The following MAML3 variants were observed in gnomAD, a reference collection of about 807,000 sequenced individuals.
The protein encoded by MAML3 is mastermind like transcriptional coactivator 3.
Under a neutral mutation model 101.9 loss-of-function variants are expected in MAML3, and 27 were observed. The ratio of observed to expected loss-of-function variants is 0.27; its 90% CI spans 0.20 to 0.37. MAML3 has a LOEUF of 0.37. MAML3 is among the 10% of genes least tolerant of loss of function. The pLI is 1.00. For synonymous variants in MAML3, 501 were observed against 555.9 expected (o/e 0.90, Z 1.39); for missense variants, 1,316 against 1,444.9 (o/e 0.91, Z 1.45).
chr4:139,786,932 G>A (rs1308350848), intron 2 of MAML3, among the ~76,000 whole-genome samples: 1 of 152,216 alleles, frequency 6.6e-6, no homozygotes, highest in Non-Finnish European at 1.5e-5. Context: ...GACATCCCTT[G>A]TCAGAGCCTA....
intron 1 of MAML3, among the ~76,000 whole-genome samples, chr4:140,053,232 C>T (rs1727297489): frequency 6.6e-6 from 1 of 152,072 alleles, no homozygotes. Flanking sequence ...ACAGCCCCTT[C>T]CAATATTCTT....
At chr4:140,037,916 G>A (rs541514737) in intron 1 of MAML3, among the ~76,000 whole-genome samples, 4 of 152,312 alleles carry the variant, frequency 2.6e-5, no homozygotes, top group African/African-American at 4.8e-5. Context: ...TGGTTTGGCT[G>A]TCCATTCCAC....
At chr4:140,024,651 C>T (rs1560869822) in intron 1 of MAML3, among the ~76,000 whole-genome samples, 1 of 152,060 alleles carries the variant, frequency 6.6e-6, no homozygotes, top group Non-Finnish European at 1.5e-5. Flanking sequence ...ACAATAGAAC[C>T]ACCACCAAAA....
At chr4:140,020,617 T>C (rs866677008) in intron 1 of MAML3, among the ~76,000 whole-genome samples, 1 of 152,220 alleles carries the variant, frequency 6.6e-6, no homozygotes, top group African/African-American at 2.4e-5. Flanking sequence ...TTTGGTTTCT[T>C]GTGTGGAACA....
chr4:140,130,922 A>G lies in MAML3; in HGVS notation c.468+21938T>C, dbSNP rs529676198. Among the ~76,000 whole-genome samples, 5 of 152,242 alleles carry G rather than the reference A, an allele frequency of 3.3e-5. No individual in the cohort carries two copies. In the South Asian group the frequency reaches 6.2e-4, roughly 19 times the overall value. On this transcript the variant is annotated intron_variant, in intron 1 of 4. Transcript: ENST00000509479. ...ACACAGGACAACTGCCACGTCATGTATAAGGTGCTAGGAGAGCATGAGGAA... is the reference window on the plus strand; with the variant it reads ...ACACAGGACAACTGCCACGTCATGTGTAAGGTGCTAGGAGAGCATGAGGAA...
intron 1 of MAML3, among the ~76,000 whole-genome samples, chr4:139,976,102 T>G (rs925845424): frequency 3.3e-5 from 5 of 152,182 alleles, no homozygotes; most frequent in Non-Finnish European, 2.9e-5. Context: ...AAGAAGGAAG[T>G]GGGAAATGTG....
At chr4:139,782,951 C>A (rs1658403987) in intron 2 of MAML3, among the ~76,000 whole-genome samples, 1 of 152,132 alleles carries the variant, frequency 6.6e-6, no homozygotes, top group Non-Finnish European at 1.5e-5. Context: ...TTCCTATGCT[C>A]CAAATTTGGC....
In MAML3 at chr4:139,978,611, C is replaced by CA. The variant is rs71584346; in HGVS notation, c.469-87645dup. ...CATGACTTCCCAGCATCAACCACATCAAAAAAAAAGAGAGAGAGAGAGAGC... is the reference window on the plus strand; with the variant it reads ...CATGACTTCCCAGCATCAACCACATCAAAAAAAAAAGAGAGAGAGAGAGAGC... On this transcript the variant is annotated intron_variant, in intron 1 of 4. Coordinates refer to ENST00000509479, the MANE Select transcript of MAML3 (RefSeq NM_018717.5). Among the ~76,000 whole-genome samples, 24 of 122,260 alleles carry CA rather than the reference C, an allele frequency of 2.0e-4. 1 individual carries two copies. Among genetic ancestry groups the CA allele is most frequent in the African/African-American group, 4.9e-4 (17 of 35,014 alleles). 80.2% of individuals were successfully genotyped at this position (122,260 alleles called of 152,430 possible).
intron 1 of MAML3, chr4:140,132,944 G>A: frequency 3.6e-6 from 1 of 276,632 alleles, no homozygotes; most frequent in South Asian, 3.6e-5. Flanking sequence ...GAACAAATTG[G>A]TCAGTCCACT....
intron 1 of MAML3, among the ~76,000 whole-genome samples, chr4:140,060,375 A>AAAAAAAAAAAAAAAAC: frequency 1.4e-5 from 2 of 146,314 alleles, no homozygotes; most frequent in Non-Finnish European, 3.0e-5. Context: ...CAAAAAAAAA[A>AAAAAAAAAAAAAAAAC]AAAAAAAAAA....
chr4:139,952,290 G>A (rs1560847128), intron 1 of MAML3, among the ~76,000 whole-genome samples: 1 of 152,192 alleles, frequency 6.6e-6, no homozygotes, highest in Non-Finnish European at 1.5e-5. Flanking sequence ...TAATAGGGAA[G>A]TTATTTAGTT....
intron 2 of MAML3, chr4:139,888,568 T>TCAA (rs766773252): frequency 3.9e-6 from 2 of 518,920 alleles, no homozygotes; most frequent in Admixed American, 1.9e-5. Flanking sequence ...GAAAAGCTTG[T>TCAA]CAATGACTAT....
At chr4:139,863,908 T>G (rs1390808795) in intron 2 of MAML3, among the ~76,000 whole-genome samples, 1 of 142,624 alleles carries the variant, frequency 7.0e-6, no homozygotes, top group Non-Finnish European at 1.5e-5. Context: ...ACATTCTTGA[T>G]GCCAAATTTG....
At chr4:139,929,257 T>TA (rs1322688248) in intron 1 of MAML3, among the ~76,000 whole-genome samples, 1 of 152,190 alleles carries the variant, frequency 6.6e-6, no homozygotes, top group African/African-American at 2.4e-5. Flanking sequence ...TGGAAGTCTC[T>TA]AGCAGAGGAG....
At chr4:139,904,718 T>G (rs1414698956) in intron 1 of MAML3, among the ~76,000 whole-genome samples, 1 of 152,010 alleles carries the variant, frequency 6.6e-6, no homozygotes, top group African/African-American at 2.4e-5. Context: ...CAAAGATTCA[T>G]TCTAAGAAAT....
chr4:139,985,260 G>T (rs1734515555), intron 1 of MAML3, among the ~76,000 whole-genome samples: 2 of 152,174 alleles, frequency 1.3e-5, no homozygotes, highest in South Asian at 4.1e-4. Context: ...TTTCTTACAG[G>T]CAACTATTTT....
chr4:140,025,785 C>T (rs17314832), intron 1 of MAML3, among the ~76,000 whole-genome samples: 37,974 of 152,076 alleles, frequency 0.25, 5,998 homozygotes, highest in Non-Finnish European at 0.35. Flanking sequence ...TGCTCTCAAC[C>T]GCGATTGAAA....
At chr4:139,776,532 G>A (rs1454201560) in intron 2 of MAML3, among the ~76,000 whole-genome samples, 1 of 152,210 alleles carries the variant, frequency 6.6e-6, no homozygotes, top group Non-Finnish European at 1.5e-5. Flanking sequence ...GTGCAGAGCT[G>A]CAGCCACTGG....
intron 2 of MAML3, among the ~76,000 whole-genome samples, chr4:139,747,926 T>G (rs545081868): frequency 6.6e-6 from 1 of 151,164 alleles, no homozygotes; most frequent in South Asian, 2.1e-4. Flanking sequence ...TGGTGGTGGA[T>G]GCCTATAATC....
Sources: allele counts gnomAD v4.1 joint callset (sites outside exome capture counted in the v4.1 genomes callset), GRCh38; gene constraint gnomAD v4.1.1; transcripts MANE v1.5; gene names NCBI Gene and HGNC (gene_info 2026-07-23, HGNC 2026-07-21).